The following DRC8 variants were observed in gnomAD, a reference collection of about 807,000 sequenced individuals.
The protein encoded by DRC8 is dynein regulatory complex protein 8.
At chr1:245,114,645 G>A in the DRC8 span, among the ~76,000 whole-genome samples, 18 of 152,140 alleles carry the variant, frequency 1.2e-4, no homozygotes, top group Non-Finnish European at 2.4e-4. Flanking sequence ...CTGCCTGTTC[G>A]TTTGGTGAAA....
At chr1:245,042,420 A>T in the DRC8 span, among the ~76,000 whole-genome samples, 7 of 152,248 alleles carry the variant, frequency 4.6e-5, no homozygotes, top group African/African-American at 1.7e-4. Context: ...CCTTGGATAA[A>T]AGAGGCCTTT....
the DRC8 span, among the ~76,000 whole-genome samples, chr1:245,101,354 C>G: frequency 6.6e-6 from 1 of 152,128 alleles, no homozygotes; most frequent in African/African-American, 2.4e-5. Flanking sequence ...ATGTATTTGT[C>G]TGTCTTCTCT....
chr1:245,074,750 T>TC, the DRC8 span, among the ~76,000 whole-genome samples: 12 of 151,984 alleles, frequency 7.9e-5, no homozygotes, highest in Non-Finnish European at 1.6e-4. Context: ...TTTAAAATTT[T>TC]TGTTTTTAAA....
the DRC8 span, among the ~76,000 whole-genome samples, chr1:245,035,688 G>A: frequency 3.0e-5 from 4 of 133,318 alleles, no homozygotes; most frequent in Middle Eastern, 3.8e-3. Flanking sequence ...CCAACGTGGT[G>A]AAACCCCATT....
chr1:245,090,728 A>T, the DRC8 span, among the ~76,000 whole-genome samples: 5 of 149,568 alleles, frequency 3.3e-5, no homozygotes, highest in Non-Finnish European at 7.4e-5. Context: ...ACTCTGGCCT[A>T]CGTGTCTTTG....
At chr1:245,043,002 A>C in the DRC8 span, among the ~76,000 whole-genome samples, 2 of 152,330 alleles carry the variant, frequency 1.3e-5, no homozygotes, top group Admixed American at 1.3e-4. Flanking sequence ...CATTTGCTCC[A>C]AATAGTCTTA....
chr1:245,060,671 G>A, the DRC8 span, among the ~76,000 whole-genome samples: 1 of 152,190 alleles, frequency 6.6e-6, no homozygotes, highest in Admixed American at 6.5e-5. Context: ...CTGGAAGTGT[G>A]GAAGAGGTAA....
chr1:245,016,935 C>T, the DRC8 span, among the ~76,000 whole-genome samples: 1 of 152,156 alleles, frequency 6.6e-6, no homozygotes, highest in Non-Finnish European at 1.5e-5. Context: ...TGGAAATATT[C>T]TGTCACCGTG....
the DRC8 span, among the ~76,000 whole-genome samples, chr1:245,095,816 C>G: frequency 6.6e-6 from 1 of 152,016 alleles, no homozygotes; most frequent in Non-Finnish European, 1.5e-5. Context: ...TTCCGAAAAG[C>G]AGAACTGTTG....
At chr1:245,123,871 G>C in the DRC8 span, 2 of 151,942 alleles carry the variant, frequency 1.3e-5, no homozygotes, top group South Asian at 4.2e-4. The surrounding 1 kb of genome is among the most constrained non-coding windows in gnomAD (Gnocchi z 5.0). Context: ...GTTAACCACT[G>C]TTTTTAAGCC....
At chr1:245,119,263 G>A in the DRC8 span, among the ~76,000 whole-genome samples, 1 of 151,720 alleles carries the variant, frequency 6.6e-6, no homozygotes, top group East Asian at 1.9e-4. Flanking sequence ...AATGAAGTGC[G>A]AATATGAAGT....
chr1:245,069,249 G>A, the DRC8 span, among the ~76,000 whole-genome samples: 6 of 152,136 alleles, frequency 3.9e-5, no homozygotes, highest in African/African-American at 1.4e-4. Context: ...GATTTTGTAT[G>A]TTATATGTAT....
chr1:244,984,741 A>G, the DRC8 span, among the ~76,000 whole-genome samples: 2 of 151,784 alleles, frequency 1.3e-5, no homozygotes, highest in Non-Finnish European at 2.9e-5. Flanking sequence ...AGGCTGAGGC[A>G]GGAGAATCGC....
At chr1:244,971,499 A>G in the DRC8 span, among the ~76,000 whole-genome samples, 1 of 152,240 alleles carries the variant, frequency 6.6e-6, no homozygotes, top group South Asian at 2.1e-4. Context: ...CTTTGTTACC[A>G]TGCCCTTAGG....
At chr1:245,071,917 T>C in the DRC8 span, among the ~76,000 whole-genome samples, 1 of 152,080 alleles carries the variant, frequency 6.6e-6, no homozygotes, top group African/African-American at 2.4e-5. Context: ...ACCACACACC[T>C]ATGAGAGTGG....
the DRC8 span, among the ~76,000 whole-genome samples, chr1:244,986,692 C>T: frequency 6.6e-6 from 1 of 151,028 alleles, no homozygotes; most frequent in Non-Finnish European, 1.5e-5. Context: ...TATGATCACA[C>T]CTGTGAATAG....
At chr1:245,070,236 A>G in the DRC8 span, among the ~76,000 whole-genome samples, 929 of 152,334 alleles carry the variant, frequency 6.1e-3, 8 homozygotes, top group African/African-American at 0.022. Context: ...CCAATATTCT[A>G]CTATAATAGG....
At chr1:244,971,729 A>G in the DRC8 span, among the ~76,000 whole-genome samples, 2 of 152,216 alleles carry the variant, frequency 1.3e-5, no homozygotes, top group East Asian at 3.8e-4. Context: ...GAACCCTGAG[A>G]TATTTAGTCA....
the DRC8 span, among the ~76,000 whole-genome samples, chr1:244,980,833 G>C: frequency 2.0e-5 from 3 of 152,178 alleles, no homozygotes; most frequent in Admixed American, 6.5e-5. Flanking sequence ...GTATTCCTCT[G>C]TAAGTGGTTG....
Sources: gnomAD v4.1 joint callset for allele counts (sites outside exome capture counted in the v4.1 genomes callset) on GRCh38, gnomAD v4.1.1 for gene constraint, Gnocchi (gnomAD v3.1) non-coding constraint, MANE v1.5 for transcripts, NCBI Gene and HGNC (gene_info 2026-07-23, HGNC 2026-07-21) for gene names.